SLCO1B1: variants seen among roughly 807,000 people sequenced by gnomAD.
The protein encoded by SLCO1B1 is solute carrier organic anion transporter family member 1B1.
Under a neutral mutation model 70.1 loss-of-function variants are expected in SLCO1B1, and 81 were observed. The observed-to-expected ratio is 1.16, with a 90% CI of 0.97 to 1.39. SLCO1B1 has a LOEUF of 1.39. SLCO1B1 is among the 40% of genes most tolerant of loss of function. The pLI, the probability that SLCO1B1 is intolerant of heterozygous loss-of-function variation, is 0.00. For synonymous variants in SLCO1B1, 283 were observed against 271.5 expected (o/e 1.04, Z -0.42); for missense variants, 895 against 799.6 (o/e 1.12, Z -1.44).
At chr12:21,226,557 A>G (rs924781457) in intron 14 of SLCO1B1, among the ~76,000 whole-genome samples, 1 of 152,170 alleles carries the variant, frequency 6.6e-6, no homozygotes, top group African/African-American at 2.4e-5. Flanking sequence ...GGGAGAAGAT[A>G]AGGATGAGTA....
chr12:21,218,171 A>C (rs767686888), intron 12 of SLCO1B1, among the ~76,000 whole-genome samples: 9 of 152,190 alleles, frequency 5.9e-5, no homozygotes, highest in Non-Finnish European at 1.0e-4. Flanking sequence ...AATACAGGAA[A>C]GAGCTGGTGT....
intron 2 of SLCO1B1, among the ~76,000 whole-genome samples, chr12:21,163,554 C>G (rs1029073942): frequency 5.9e-5 from 9 of 152,256 alleles, no homozygotes; most frequent in African/African-American, 2.2e-4. Flanking sequence ...AAAAATACCA[C>G]AGACTGGGTA....
chr12:21,190,340 C>T (rs1470654916), intron 7 of SLCO1B1, among the ~76,000 whole-genome samples: 1 of 152,080 alleles, frequency 6.6e-6, no homozygotes, highest in African/African-American at 2.4e-5. Flanking sequence ...GCAGCTCCAG[C>T]TTGTTGGGAC....
At chr12:21,215,144 C>G (rs1360893056) in intron 11 of SLCO1B1, among the ~76,000 whole-genome samples, 1 of 152,150 alleles carries the variant, frequency 6.6e-6, no homozygotes, top group Admixed American at 6.5e-5. Context: ...AATGTGAGTT[C>G]ATTTCCTATT....
chr12:21,229,492 C>T (rs945899846), intron 14 of SLCO1B1, among the ~76,000 whole-genome samples: 2 of 152,154 alleles, frequency 1.3e-5, no homozygotes, highest in African/African-American at 4.8e-5. Context: ...CATTTTTAGA[C>T]TAGCTTATTT....
At chr12:21,166,535 A>G (rs947818393) in intron 2 of SLCO1B1, among the ~76,000 whole-genome samples, 1 of 152,202 alleles carries the variant, frequency 6.6e-6, no homozygotes, top group Non-Finnish European at 1.5e-5. Flanking sequence ...GCATGTGGAA[A>G]AATGCTCCAC....
intron 14 of SLCO1B1, among the ~76,000 whole-genome samples, chr12:21,228,336 A>G (rs80267902): frequency 0.12 from 18,723 of 152,252 alleles, 1,577 homozygotes; most frequent in Non-Finnish European, 0.18. Flanking sequence ...TAAATTGACA[A>G]CTATTTTCTC....
At chr12:21,208,947 T>C (rs916611874) in intron 11 of SLCO1B1, among the ~76,000 whole-genome samples, 5 of 152,100 alleles carry the variant, frequency 3.3e-5, no homozygotes, top group Non-Finnish European at 5.9e-5. Flanking sequence ...TGTATAGAAA[T>C]GCTACTAATT....
chr12:21,212,239 G>A (rs1941295842), intron 11 of SLCO1B1, among the ~76,000 whole-genome samples: 2 of 98,850 alleles, frequency 2.0e-5, no homozygotes, highest in Admixed American at 1.0e-4. Flanking sequence ...CTTTGAATGC[G>A]TCCCAGAGAT....
chr12:21,179,693 T>G (rs568748466), intron 7 of SLCO1B1, among the ~76,000 whole-genome samples: 1 of 152,246 alleles, frequency 6.6e-6, no homozygotes, highest in Non-Finnish European at 1.5e-5. Context: ...CTTTATCTTC[T>G]TTTTCTTTTT....
rs780187535 is a variant in SLCO1B1 at position 21,208,161 on chromosome 12, AT to A, written c.1497+2136del. On this transcript the variant is annotated intron_variant, in intron 11 of 14. Transcript: ENST00000256958. ...TAGTTTAATTATATCCCACTTGTCCATTTTTTTTGTTGCAATTGCTTTTGAG... is the reference window on the plus strand; with the variant it reads ...TAGTTTAATTATATCCCACTTGTCCATTTTTTTGTTGCAATTGCTTTTGAG... Among the ~76,000 whole-genome samples, 287 of 151,272 alleles carry A rather than the reference AT, an allele frequency of 1.9e-3. 2 individuals carry two copies. The highest frequency in any genetic ancestry group is 6.6e-3 in the African/African-American group (273 of 41,240).
intron 7 of SLCO1B1, among the ~76,000 whole-genome samples, chr12:21,185,452 T>A (rs1940953061): frequency 1.3e-5 from 2 of 152,078 alleles, no homozygotes; most frequent in African/African-American, 4.8e-5. Flanking sequence ...CCAAAAAGAT[T>A]TCTTAAAACC....
chr12:21,197,046 C>A lies in SLCO1B1; in HGVS notation c.828C>A (p.Phe276Leu). 3.1e-6 allele frequency: 5 copies of A among 1,613,690 alleles called. No homozygotes were observed. The highest frequency in any genetic ancestry group is 4.2e-6 in the Non-Finnish European group (5 of 1,179,726). The change falls in exon 8 of 15, where the codon TTC becomes TTA. Residue 276 changes from phenylalanine to leucine, a missense_variant. Phe to Leu is a conservative substitution (Grantham distance 22). Coordinates refer to ENST00000256958, the MANE Select transcript of SLCO1B1 (RefSeq NM_006446.5). ...GLFSIISSIPFFFLPQTPNKP... is the reference protein window; with the variant it reads ...GLFSIISSIPLFFLPQTPNKP... ...TCTCCATTATTTCTTCCATACCATT[C>A]TTTTTCTTGCCCCAAACTCCAAATA...
rs886049147 is a variant in SLCO1B1, at chr12:21,239,616, G to T, written c.*427G>T. On this transcript the variant is annotated 3_prime_UTR_variant, in exon 15 of 15. Coordinates refer to ENST00000256958, the MANE Select transcript of SLCO1B1 (RefSeq NM_006446.5). ...TATTAAACAAACAAACACAGAGTTTGAACTATAATACTAAGGCCTGAAGTC... is the reference window on the plus strand; with the variant it reads ...TATTAAACAAACAAACACAGAGTTTTAACTATAATACTAAGGCCTGAAGTC... Among the ~76,000 whole-genome samples the T allele has an allele frequency of 3.9e-5, 6 of 152,138 alleles. No individual in the cohort carries two copies. The highest frequency in any genetic ancestry group is 7.4e-5 in the Non-Finnish European group (5 of 68,006).
chr12:21,195,704 A>G (rs1436087080), intron 7 of SLCO1B1, among the ~76,000 whole-genome samples: 1 of 152,096 alleles, frequency 6.6e-6, no homozygotes. Flanking sequence ...ATTTTTTTTA[A>G]CTTGGTCATT....
chr12:21,207,073 A>C (rs1941223361), intron 11 of SLCO1B1, among the ~76,000 whole-genome samples: 1 of 151,970 alleles, frequency 6.6e-6, no homozygotes, highest in African/African-American at 2.4e-5. Context: ...GCAACAATGA[A>C]TCTTTTGTGC....
At chr12:21,152,541 T>TTTTTTTTTTTTTTTG (rs1940487278) in intron 2 of SLCO1B1, among the ~76,000 whole-genome samples, 1 of 138,936 alleles carries the variant, frequency 7.2e-6, no homozygotes, top group Non-Finnish European at 1.6e-5. Context: ...GGCTTTTTTT[T>TTTTTTTTTTTTTTTG]TTTTTTTTTT....
intron 14 of SLCO1B1, among the ~76,000 whole-genome samples, chr12:21,229,840 T>A (rs777886930): frequency 3.7e-4 from 56 of 152,240 alleles, no homozygotes; most frequent in Non-Finnish European, 6.6e-4. Flanking sequence ...TTTCAATCTA[T>A]ATACATTTCA....
intron 4 of SLCO1B1, among the ~76,000 whole-genome samples, chr12:21,175,760 G>A (rs1248982963): frequency 6.6e-6 from 1 of 151,348 alleles, no homozygotes; most frequent in Non-Finnish European, 1.5e-5. Context: ...TCTGCTTTTG[G>A]CACCATACCG....
Sources: gnomAD v4.1 joint callset for allele counts (sites outside exome capture counted in the v4.1 genomes callset) on GRCh38, gnomAD v4.1.1 for gene constraint, MANE v1.5 for transcripts, NCBI Gene and HGNC (gene_info 2026-07-23, HGNC 2026-07-21) for gene names.